OTUD7A: variants seen among roughly 807,000 people sequenced by gnomAD.
OTUD7A encodes OTU domain-containing protein 7A.
In OTUD7A, 12 loss-of-function variants were observed where a neutral mutation model predicts 65.7. The observed-to-expected ratio is 0.18, with a 90% CI of 0.12 to 0.30. The LOEUF (loss-of-function observed/expected upper bound fraction) is 0.30. Among genes scored for constraint, OTUD7A ranks in the 10% least tolerant of loss-of-function variants. OTUD7A has a pLI of 1.00. For missense variants in OTUD7A, 1,148 were observed against 1,304.8 expected, an observed-to-expected ratio of 0.88 and a Z score of 1.85; for synonymous variants, 641 against 586.3, an observed-to-expected ratio of 1.09 and a Z score of -1.35.
At chr15:31,772,485 G>A (rs185004158) in intron 1 of OTUD7A, among the ~76,000 whole-genome samples, 1 of 152,256 alleles carries the variant, frequency 6.6e-6, no homozygotes, top group East Asian at 1.9e-4. Flanking sequence ...TAAATCTGAC[G>A]ATTCTCCATG....
At chr15:31,843,862 T>C (rs1897242388) in intron 1 of OTUD7A, among the ~76,000 whole-genome samples, 1 of 152,182 alleles carries the variant, frequency 6.6e-6, no homozygotes, top group South Asian at 2.1e-4. Flanking sequence ...ACTGGAGTCA[T>C]GTTTACTCCC....
At chr15:31,577,225 A>G (rs1889227573) in intron 3 of OTUD7A, among the ~76,000 whole-genome samples, 1 of 152,178 alleles carries the variant, frequency 6.6e-6, no homozygotes, top group Admixed American at 6.5e-5. Context: ...TGGATTCAGG[A>G]AAGATTAACT....
Position 31,478,839 on chromosome 15 carries a change from G to A in OTUD7A, c.*4455C>T, listed in dbSNP as rs963369862. 2.6e-5 allele frequency: 4 copies of A among 152,370 alleles called. No individual in the cohort carries two copies. The highest frequency in any genetic ancestry group is 1.9e-4 in the East Asian group (1 of 5,202). 9.4% of individuals were successfully genotyped at this position (152,370 alleles called of 1,614,324 possible). A position where few individuals can be genotyped will look rare whatever the true frequency, so the allele number is the denominator to read the frequency against. On this transcript the variant is annotated 3_prime_UTR_variant, in exon 13 of 13. Transcript: ENST00000307050. ...CCGCAGGGCCTCCTGGGGTGAGCGTGGGGGGCTCTCCCCATGGCGTGTGCT... is the reference window on the plus strand; with the variant it reads ...CCGCAGGGCCTCCTGGGGTGAGCGTAGGGGGCTCTCCCCATGGCGTGTGCT...
intron 5 of OTUD7A, chr15:31,556,625 A>G (rs1888504334): frequency 6.6e-6 from 1 of 152,262 alleles, no homozygotes; most frequent in African/African-American, 2.4e-5. Flanking sequence ...GGAGAAGGTA[A>G]CATGGTGGGG....
chr15:31,598,873 T>A (rs1003938230), intron 3 of OTUD7A, among the ~76,000 whole-genome samples: 4 of 152,096 alleles, frequency 2.6e-5, no homozygotes, highest in Non-Finnish European at 5.9e-5. Flanking sequence ...ACCCTCACAG[T>A]GTAAACAAAG....
At chr15:31,826,991 T>C (rs1296792993) in intron 1 of OTUD7A, among the ~76,000 whole-genome samples, 2 of 152,220 alleles carry the variant, frequency 1.3e-5, no homozygotes, top group Non-Finnish European at 2.9e-5. Context: ...ATTCAACAAG[T>C]CTCTAGGAGG....
intron 1 of OTUD7A, chr15:31,766,759 A>G (rs1053798769): frequency 1.3e-5 from 21 of 1,612,804 alleles, no homozygotes; most frequent in East Asian, 2.2e-5. Flanking sequence ...TGGCTTTTGA[A>G]TATTTTCCTC....
At chr15:31,538,241 C>G (rs1887870150) in intron 5 of OTUD7A, among the ~76,000 whole-genome samples, 1 of 152,186 alleles carries the variant, frequency 6.6e-6, no homozygotes. Context: ...CCAGCTGGAG[C>G]TAGCACTGAC....
At chr15:31,557,714 T>C (rs1888544988) in intron 5 of OTUD7A, 1 of 152,080 alleles carries the variant, frequency 6.6e-6, no homozygotes. Flanking sequence ...TCTCACAGTT[T>C]TGTGCTGCCT....
intron 1 of OTUD7A, among the ~76,000 whole-genome samples, chr15:31,686,951 T>C (rs1335554444): frequency 6.6e-6 from 1 of 152,246 alleles, no homozygotes; most frequent in African/African-American, 2.4e-5. Flanking sequence ...AGCAATGTTT[T>C]TGAAGACTCA....
intron 12 of OTUD7A, among the ~76,000 whole-genome samples, chr15:31,485,466 G>T (rs1445196256): frequency 6.6e-6 from 1 of 152,156 alleles, no homozygotes; most frequent in African/African-American, 2.4e-5. Flanking sequence ...TCCCAGAAAA[G>T]TCCCCCTGGG....
intron 8 of OTUD7A, among the ~76,000 whole-genome samples, chr15:31,513,389 A>T (rs2041790326): frequency 6.6e-6 from 1 of 152,190 alleles, no homozygotes. Context: ...AGGAATTCAC[A>T]CAGTTACATG....
chr15:31,774,135 T>G (rs1384074025), intron 1 of OTUD7A, among the ~76,000 whole-genome samples: 1 of 152,198 alleles, frequency 6.6e-6, no homozygotes, highest in African/African-American at 2.4e-5. Flanking sequence ...GTCCTCCCAG[T>G]TGAGCTCCAT....
At chr15:31,682,211 G>A (rs548379362) in intron 1 of OTUD7A, among the ~76,000 whole-genome samples, 23 of 152,252 alleles carry the variant, frequency 1.5e-4, no homozygotes, top group Non-Finnish European at 2.6e-4. Flanking sequence ...TCTAACTAAG[G>A]AATTCACAAA....
chr15:31,527,947 C>T (rs12443422), intron 6 of OTUD7A, among the ~76,000 whole-genome samples: 56 of 152,300 alleles, frequency 3.7e-4, no homozygotes, highest in Admixed American at 3.6e-3. Flanking sequence ...GATCAAGAAC[C>T]CCAACTCATG....
Position 31,550,103 on chromosome 15 carries a change from G to T in OTUD7A, c.550+8866C>A, listed in dbSNP as rs1052760409. ...CAACAGAGGGAGACCCTGTCTCCAGGAAAAAAAAAAAAAAAAGAATGTGCT... is the reference window on the plus strand; with the variant it reads ...CAACAGAGGGAGACCCTGTCTCCAGTAAAAAAAAAAAAAAAAGAATGTGCT... On this transcript the variant is annotated intron_variant, in intron 5 of 12. Transcript: ENST00000307050. 3.1e-5 allele frequency among the ~76,000 whole-genome samples: 4 copies of T among 127,236 alleles called. No homozygotes were observed. In the South Asian group the frequency reaches 7.9e-4, roughly 25 times the overall value. The allele number at this position is 127,236 out of a possible 152,430, so 83.5% of individuals were successfully genotyped here. A position where few individuals can be genotyped will look rare whatever the true frequency, so the allele number is the denominator to read the frequency against.
chr15:31,527,055 G>A, intron 7 of OTUD7A, 126 bp downstream of exon 7: 5 of 1,383,784 alleles, frequency 3.6e-6, no homozygotes, highest in Non-Finnish European at 4.9e-6. Flanking sequence ...CCTGATCCCA[G>A]GGGCTGTTTC....
chr15:31,845,234 C>T lies in OTUD7A; in HGVS notation c.-100+25273G>A, dbSNP rs1897269815. Among the ~76,000 whole-genome samples the T allele has an allele frequency of 3.3e-5, 5 of 152,324 alleles. No homozygotes were observed. The South Asian group carries it at 1.0e-3, about 32-fold the overall frequency. On this transcript the variant is annotated intron_variant, in intron 1 of 12. Transcript: ENST00000307050. ...GCATCCTCTCACCTGCGCTAGGCGA[C>T]ATAAACCTGTTTCCCTCATGGCTCT...
chr15:31,765,905 C>T, intron 1 of OTUD7A: 1 of 1,273,314 alleles, frequency 7.9e-7, no homozygotes, highest in Non-Finnish European at 1.1e-6. Context: ...TTTTTCTTTT[C>T]TCCTTTAGAG....
Sources: gnomAD v4.1 joint callset for allele counts (sites outside exome capture counted in the v4.1 genomes callset) on GRCh38, gnomAD v4.1.1 for gene constraint, MANE v1.5 for transcripts, NCBI Gene and HGNC (gene_info 2026-07-23, HGNC 2026-07-21) for gene names.